The following SMURF2 variants were observed in gnomAD, a reference collection of about 807,000 sequenced individuals.
The protein encoded by SMURF2 is SMAD specific E3 ubiquitin protein ligase 2.
A neutral mutation model predicts 109.6 loss-of-function variants in SMURF2; 48 were observed. That is an observed-to-expected ratio of 0.44 (90% CI 0.35 to 0.56). The LOEUF (loss-of-function observed/expected upper bound fraction) is 0.56. Among genes scored for constraint, SMURF2 ranks in the 20% least tolerant of loss-of-function variants. SMURF2 has a pLI of 0.01. For synonymous variants in SMURF2, 288 were observed against 317.1 expected, an observed-to-expected ratio of 0.91 and a Z score of 0.97; for missense variants, 575 against 909.0, an observed-to-expected ratio of 0.63 and a Z score of 4.72.
chr17:64,563,599 A>G (rs1424766802), intron 10 of SMURF2, among the ~76,000 whole-genome samples: 2 of 152,200 alleles, frequency 1.3e-5, no homozygotes, highest in African/African-American at 4.8e-5. Context: ...ATTTCATATC[A>G]GATACAAAAA....
intron 1 of SMURF2, among the ~76,000 whole-genome samples, chr17:64,653,513 T>C (rs1260075652): frequency 6.6e-6 from 1 of 151,714 alleles, no homozygotes; most frequent in East Asian, 1.9e-4. Context: ...TAGAATGCAG[T>C]GGTGTGAGCA....
rs782271309 is a variant in SMURF2, at chr17:64,562,841, T to C, written c.1142A>G (p.Gln381Arg). ...CTGAGGCTGTTGTTGGGAAAGTTCT[T>C]GCCGCAAAATTTTTAGTTTCTGAAC... is the stretch of plus-strand genomic sequence containing the variant. Reference protein sequence around the residue: ...DLVQKLKILRQELSQQQPQAG... With the variant: ...DLVQKLKILRRELSQQQPQAG... Residue 381 changes from glutamine (Q) to arginine (R), a missense_variant, in exon 11 of 19, where the codon CAA (glutamine) becomes CGA (arginine). By Grantham distance (43) the Gln-to-Arg change is conservative (BLOSUM62 1). This residue lies in a region of SMURF2 where 361 missense variants were observed against 612.1 expected (regional missense o/e 0.59). Transcript: ENST00000262435. The C allele has an allele frequency of 1.2e-6, 2 of 1,614,196 alleles. No individual in the cohort carries two copies. Among genetic ancestry groups the C allele is most frequent in the Non-Finnish European group, 8.5e-7 (1 of 1,180,034 alleles).
At chr17:64,583,776 ACT>A (rs2144641608) in intron 6 of SMURF2, among the ~76,000 whole-genome samples, 1 of 152,254 alleles carries the variant, frequency 6.6e-6, no homozygotes, top group South Asian at 2.1e-4. Context: ...CATCAGCCAA[ACT>A]CTGAGAATTT....
At chr17:64,647,497 G>A (rs1970574679) in intron 1 of SMURF2, among the ~76,000 whole-genome samples, 1 of 151,962 alleles carries the variant, frequency 6.6e-6, no homozygotes, top group African/African-American at 2.4e-5. Flanking sequence ...GGCCAACATG[G>A]TGAAACCCTG....
intron 18 of SMURF2, 63 bp from the exon 19 acceptor site, chr17:64,546,010 T>C (rs1968949147): frequency 9.4e-7 from 1 of 1,068,686 alleles, no homozygotes; most frequent in African/African-American, 1.6e-5. Flanking sequence ...GCCTAGCAAG[T>C]GTATACCAGT....
At chr17:64,602,631 T>C (rs1413585831) in intron 2 of SMURF2, among the ~76,000 whole-genome samples, 4 of 152,196 alleles carry the variant, frequency 2.6e-5, no homozygotes, top group African/African-American at 4.8e-5. Flanking sequence ...ACTTTCTGCA[T>C]TTTAAAAAAT....
At chr17:64,626,540 A>G (rs1555691192) in intron 1 of SMURF2, among the ~76,000 whole-genome samples, 1 of 152,134 alleles carries the variant, frequency 6.6e-6, no homozygotes, top group Admixed American at 6.6e-5. Flanking sequence ...AGGCAGGCGG[A>G]TCATTTGAGG....
intron 5 of SMURF2, among the ~76,000 whole-genome samples, chr17:64,590,493 CA>C: frequency 6.6e-6 from 1 of 152,120 alleles, no homozygotes; most frequent in Admixed American, 6.6e-5. Context: ...AGTGTCCTTC[CA>C]TACTAGGCAT....
chr17:64,608,234 G>A (rs1969999457), intron 1 of SMURF2, among the ~76,000 whole-genome samples: 1 of 151,842 alleles, frequency 6.6e-6, no homozygotes. Flanking sequence ...GTGTATAAAA[G>A]CTCATTTGAC....
chr17:64,625,308 C>A (rs923330775), intron 1 of SMURF2, among the ~76,000 whole-genome samples: 2 of 152,166 alleles, frequency 1.3e-5, no homozygotes, highest in Admixed American at 6.5e-5. Context: ...GCAGTGCTTA[C>A]CAAAGCACTG....
intron 1 of SMURF2, among the ~76,000 whole-genome samples, chr17:64,607,858 C>T (rs1373946205): frequency 6.6e-6 from 1 of 151,588 alleles, no homozygotes; most frequent in African/African-American, 2.4e-5. Flanking sequence ...GTAATCCCAG[C>T]TACTCAGGAG....
intron 1 of SMURF2, among the ~76,000 whole-genome samples, chr17:64,617,360 T>C (rs940752989): frequency 1.4e-4 from 21 of 152,174 alleles, no homozygotes; most frequent in Admixed American, 1.2e-3. Flanking sequence ...ACCTGGCAAG[T>C]AGTTAATCTA....
chr17:64,568,807 G>C (rs1455701003), intron 10 of SMURF2, among the ~76,000 whole-genome samples: 2 of 151,144 alleles, frequency 1.3e-5, no homozygotes, highest in Non-Finnish European at 1.5e-5. Context: ...TTGGAGACCA[G>C]CCTGGCTAAC....
intron 2 of SMURF2, among the ~76,000 whole-genome samples, chr17:64,605,501 T>C (rs1969956523): frequency 6.6e-6 from 1 of 151,426 alleles, no homozygotes; most frequent in South Asian, 2.1e-4. Flanking sequence ...GGTAGGAGGA[T>C]CACTTGAGAC....
chr17:64,590,765 A>G (rs1288338905), intron 5 of SMURF2, among the ~76,000 whole-genome samples: 1 of 152,226 alleles, frequency 6.6e-6, no homozygotes, highest in Admixed American at 6.5e-5. Context: ...TACTAAAAAA[A>G]CTAGTTTGAG....
At chr17:64,600,540 C>T (rs1969879998) in intron 2 of SMURF2, among the ~76,000 whole-genome samples, 1 of 152,096 alleles carries the variant, frequency 6.6e-6, no homozygotes, top group Admixed American at 6.6e-5. Flanking sequence ...CCTATCAGTT[C>T]CCCAATTCTA....
intron 1 of SMURF2, among the ~76,000 whole-genome samples, chr17:64,626,758 A>AT (rs1555691206): frequency 2.0e-5 from 3 of 152,026 alleles, no homozygotes; most frequent in Non-Finnish European, 4.4e-5. Context: ...GCAAGATTCC[A>AT]TCAAAAAAAC....
At chr17:64,628,504 C>T (rs912684573) in intron 1 of SMURF2, among the ~76,000 whole-genome samples, 17 of 152,146 alleles carry the variant, frequency 1.1e-4, no homozygotes, top group Admixed American at 5.9e-4. Context: ...AATTCATATA[C>T]ATGTCTAATA....
rs561356103 is a variant in SMURF2, at chr17:64,550,020, T to C, written c.1869+1564A>G. Among the ~76,000 whole-genome samples, 15 of 152,368 alleles carry C rather than the reference T, an allele frequency of 9.8e-5. No individual in the cohort carries two copies. The East Asian group carries it at 1.7e-3, about 18-fold the overall frequency. ...TCCTAAATTCTTTTCTTCAGAGGAA[T>C]GGCAGTTAGAAGGCCAAATCCTCGT... On this transcript the variant is annotated intron_variant, in intron 16 of 18. Coordinates refer to ENST00000262435, the MANE Select transcript of SMURF2 (RefSeq NM_022739.4).
Sources: gnomAD v4.1 joint callset for allele counts (sites outside exome capture counted in the v4.1 genomes callset) on GRCh38, gnomAD v4.1.1 for gene constraint, gnomAD v4.1.1 regional missense constraint, MANE v1.5 for transcripts, NCBI Gene and HGNC (gene_info 2026-07-23, HGNC 2026-07-21) for gene names.